The following NPHP4 variants were observed in gnomAD, a reference collection of about 807,000 sequenced individuals.
NPHP4 encodes the protein nephrocystin-4.
Under a neutral mutation model 155.8 loss-of-function variants are expected in NPHP4, and 151 were observed. That is an observed-to-expected ratio of 0.97 (90% CI 0.85 to 1.11). NPHP4 has a LOEUF of 1.11. Among genes scored for constraint, NPHP4 ranks in the 50% least tolerant of loss-of-function variants. The pLI, the probability that NPHP4 is intolerant of heterozygous loss-of-function variation, is 0.00. For missense variants in NPHP4, 1,956 were observed against 1,925.7 expected, an observed-to-expected ratio of 1.02 and a Z score of -0.29; for synonymous variants, 845 against 816.8, an observed-to-expected ratio of 1.03 and a Z score of -0.59.
Position 5,936,247 on chromosome 1 carries a change from T to C in NPHP4, c.1120-2918A>G, listed in dbSNP as rs58682105. Among the ~76,000 whole-genome samples the C allele has an allele frequency of 7.6e-3, 1,165 of 152,330 alleles. 13 individuals are homozygous for C. The highest frequency in any genetic ancestry group is 0.026 in the African/African-American group (1,076 of 41,578). ...AATCTGTGTAGCCAATTATTGATCA[T>C]TCTTTCTGAGACCTCAACAGGCGAA... is the stretch of plus-strand genomic sequence containing the variant. On this transcript the variant is annotated intron_variant, in intron 9 of 29. Coordinates refer to ENST00000378156, the MANE Select transcript of NPHP4 (RefSeq NM_015102.5).
At position 5,944,268 on chromosome 1, in the gene NPHP4, G is replaced by T. The variant is rs574970213; in HGVS notation, c.1119+2836C>A. On this transcript the variant is annotated intron_variant, in intron 9 of 29. Coordinates refer to ENST00000378156, the MANE Select transcript of NPHP4 (RefSeq NM_015102.5). This position sits in a 1 kb window ranked among gnomAD's most constrained non-coding sequence, Gnocchi z 4.3. ...GGGTCCTCACCAAAGACAAGGAGGA[G>T]GACGCTGCAGCCGGAAGGCACAACC... 6.6e-6 allele frequency among the ~76,000 whole-genome samples: 1 copy of T among 152,308 alleles called. No homozygotes were observed. Among genetic ancestry groups the T allele is most frequent in the South Asian group, 2.1e-4 (1 of 4,832 alleles).
chr1:5,967,930 A>G (rs1651832825), intron 4 of NPHP4, among the ~76,000 whole-genome samples: 1 of 151,910 alleles, frequency 6.6e-6, no homozygotes, highest in Admixed American at 6.6e-5. Context: ...CTTGGAGTAA[A>G]CATGTAGGCT....
chr1:5,940,798 T>G (rs557457607), intron 9 of NPHP4, among the ~76,000 whole-genome samples: 2 of 152,086 alleles, frequency 1.3e-5, no homozygotes. Context: ...GACACAAAAA[T>G]AGACTTGAAC....
rs561218740 is a variant in NPHP4 at position 5,896,203 on chromosome 1, G to A, written c.2144-5175C>T. Among the ~76,000 whole-genome samples, 3 of 152,344 alleles carry A rather than the reference G, an allele frequency of 2.0e-5. No individual in the cohort carries two copies. The South Asian group carries it at 6.2e-4, about 32-fold the overall frequency. On this transcript the variant is annotated intron_variant, in intron 16 of 29. Coordinates refer to ENST00000378156, the MANE Select transcript of NPHP4 (RefSeq NM_015102.5). ...GGCTGGGCAGGGGGAGGAGCCCACA[G>A]GGATGAGGGGAGCAGGGAGGCCCGA... is the stretch of plus-strand genomic sequence containing the variant.
intron 2 of NPHP4, among the ~76,000 whole-genome samples, chr1:5,980,889 T>G (rs1654571347): frequency 6.6e-6 from 1 of 151,694 alleles, no homozygotes; most frequent in Non-Finnish European, 1.5e-5. Context: ...CCACGCTACC[T>G]CCCTGTCCTC....
rs1342432195 is a variant in NPHP4, at chr1:5,933,179, T to C, written c.1270A>G (p.Lys424Glu). ...QPNPSHCLVY[K>E]VPSASMSSEE... ...GAGCTCATGCTGGCTGAGGGTACCT[T>C]GTAGACCAGACAGTGCGAGGGGTTG... The change falls in exon 10 of 30, where the codon AAG (lysine) becomes GAG (glutamate). Residue 424 changes from lysine to glutamate, a missense_variant. By Grantham distance (56) the Lys-to-Glu change is moderately conservative. Transcript: ENST00000378156. The C allele has an allele frequency of 1.8e-5, 29 of 1,610,302 alleles. No homozygotes were observed. Among genetic ancestry groups the C allele is most frequent in the Non-Finnish European group, 2.5e-5 (29 of 1,177,240 alleles).
At chr1:5,927,975 A>G (rs1646096284) in intron 10 of NPHP4, among the ~76,000 whole-genome samples, 188 bp from the exon 11 acceptor site, 1 of 152,206 alleles carries the variant, frequency 6.6e-6, no homozygotes, top group Non-Finnish European at 1.5e-5. Context: ...TGGCATTAAA[A>G]GCCCTGCAGA....
At chr1:5,971,351 C>T (rs1652527070) in intron 3 of NPHP4, among the ~76,000 whole-genome samples, 1 of 152,172 alleles carries the variant, frequency 6.6e-6, no homozygotes, top group South Asian at 2.1e-4. Flanking sequence ...AAGAGTCAGC[C>T]GCTCCAAGTG....
rs541899216 is a variant in NPHP4 at position 5,949,228 on chromosome 1, G to A, written c.811-977C>T. On this transcript the variant is annotated intron_variant, in intron 7 of 29. Transcript: ENST00000378156. The stretch of plus-strand genomic sequence containing the variant: ...ACAGCAGGAACTACACCAAGGAAAC[G>A]GATGTTGGTGTTTCAATCCTATTCT... Among the ~76,000 whole-genome samples, 103 of 152,188 alleles carry A rather than the reference G, an allele frequency of 6.8e-4. 1 individual carries two copies. Among genetic ancestry groups the A allele is most frequent in the South Asian group, 4.8e-3 (23 of 4,818 alleles).
intron 9 of NPHP4, among the ~76,000 whole-genome samples, chr1:5,943,141 C>T (rs1208771444): frequency 6.6e-6 from 1 of 152,228 alleles, no homozygotes; most frequent in Non-Finnish European, 1.5e-5. Flanking sequence ...GGGACTACTT[C>T]TTTGGTAGTT....
At position 5,867,515 on chromosome 1, in the gene NPHP4, G is replaced by A. The variant is rs1194771052; in HGVS notation, c.3472+225C>T. The A allele has an allele frequency of 2.9e-5, 17 of 592,998 alleles. No homozygotes were observed. The highest frequency in any genetic ancestry group is 5.1e-5 in the Non-Finnish European group (17 of 336,404). 36.7% of individuals were successfully genotyped at this position (592,998 alleles called of 1,614,324 possible). On this transcript the variant is annotated intron_variant, in intron 24 of 29. Transcript: ENST00000378156. The surrounding 1 kb of genome is among the most constrained non-coding windows in gnomAD (Gnocchi z 4.1). ...GGGCCGCGGGAGCTGGGATTTTTTA[G>A]AAGGGCAGACTCAGCCGGCAAATGC...
chr1:5,965,119 G>T (rs1305286243), intron 5 of NPHP4, among the ~76,000 whole-genome samples: 1 of 150,960 alleles, frequency 6.6e-6, no homozygotes, highest in Non-Finnish European at 1.5e-5. Flanking sequence ...TTTTTGTAGA[G>T]ATGGGGTCTC....
chr1:5,951,232 C>T (rs1647952739), intron 7 of NPHP4, among the ~76,000 whole-genome samples: 1 of 152,200 alleles, frequency 6.6e-6, no homozygotes, highest in African/African-American at 2.4e-5. Flanking sequence ...CTCCCTCTGC[C>T]GTCCTTCCTC....
intron 11 of NPHP4, among the ~76,000 whole-genome samples, chr1:5,913,272 C>T (rs1334683081): frequency 6.6e-6 from 1 of 152,030 alleles, no homozygotes; most frequent in Non-Finnish European, 1.5e-5. Context: ...AGAGCCAGAT[C>T]TGAGAAGAGC....
chr1:5,890,026 C>T lies in NPHP4; in HGVS notation c.2304+842G>A, dbSNP rs544910010. ...ACTCCCATACCCCATCCCCCCACCCCGAGAGCACAGCGCAGCTGAAGGAGC... is the reference window on the plus strand; with the variant it reads ...ACTCCCATACCCCATCCCCCCACCCTGAGAGCACAGCGCAGCTGAAGGAGC... On this transcript the variant is annotated intron_variant, in intron 17 of 29. Coordinates refer to ENST00000378156, the MANE Select transcript of NPHP4 (RefSeq NM_015102.5). This position sits in a 1 kb window ranked among gnomAD's most constrained non-coding sequence, Gnocchi z 4.9. Among the ~76,000 whole-genome samples, 66 of 152,266 alleles carry T rather than the reference C, an allele frequency of 4.3e-4. 1 individual carries two copies. The highest frequency in any genetic ancestry group is 1.3e-3 in the African/African-American group (55 of 41,548).
chr1:5,884,251 A>G (rs1337552869), intron 18 of NPHP4, among the ~76,000 whole-genome samples: 4 of 152,138 alleles, frequency 2.6e-5, no homozygotes, highest in Non-Finnish European at 5.9e-5. Context: ...GCTGGACCAA[A>G]GCCCGCCACC....
intron 5 of NPHP4, among the ~76,000 whole-genome samples, chr1:5,962,646 C>T (rs1010561621): frequency 1.3e-5 from 2 of 152,210 alleles, no homozygotes; most frequent in Non-Finnish European, 2.9e-5. Flanking sequence ...AGACCAAACA[C>T]GTGGATACCC....
At chr1:5,967,500 A>G (rs530552720) in intron 4 of NPHP4, 137 bp from the exon 5 acceptor site, 6 of 681,262 alleles carry the variant, frequency 8.8e-6, no homozygotes, top group Non-Finnish European at 1.3e-5. Flanking sequence ...CGGAAGGCAG[A>G]GGCAGCTGAG....
intron 18 of NPHP4, 189 bp downstream of exon 18, chr1:5,887,097 C>A: frequency 1.7e-6 from 1 of 591,554 alleles, no homozygotes. Context: ...ATTCAGAATG[C>A]AAACAACTGG....
Sources: gnomAD v4.1 joint callset for allele counts (sites outside exome capture counted in the v4.1 genomes callset) on GRCh38, gnomAD v4.1.1 for gene constraint, Gnocchi (gnomAD v3.1) non-coding constraint, MANE v1.5 for transcripts, NCBI Gene and HGNC (gene_info 2026-07-23, HGNC 2026-07-21) for gene names.